DIP2C: variants seen among roughly 807,000 people sequenced by gnomAD.
The protein encoded by DIP2C is disco-interacting protein 2 homolog C.
DIP2C carries 33 observed loss-of-function variants against 192.4 expected under a neutral mutation model. The ratio of observed to expected loss-of-function variants is 0.17; its 90% CI spans 0.13 to 0.23. The LOEUF (loss-of-function observed/expected upper bound fraction) is 0.23. DIP2C is among the 10% of genes least tolerant of loss of function. The pLI is 1.00. For synonymous variants in DIP2C, 979 were observed against 864.1 expected (o/e 1.13, Z -2.33); for missense variants, 1,537 against 2,110.1 (o/e 0.73, Z 5.32).
At chr10:416,921 T>TA (rs904822872) in intron 6 of DIP2C, among the ~76,000 whole-genome samples, 5 of 152,146 alleles carry the variant, frequency 3.3e-5, no homozygotes, top group African/African-American at 1.2e-4. Flanking sequence ...CACTGGACCA[T>TA]AAAAAACAGA....
Position 341,282 on chromosome 10 carries a change from C to T in DIP2C, c.3501G>A (p.Gln1167=), listed in dbSNP as rs1399632987. ...CTTCTCTAGAGGGGTAAAGTTCACA[C>T]TGCAGCTTAATGGAACGGCAGAAGG... ...TSAFCRSIKL[Q]CELYPSREVA... The change falls in exon 29 of 37, where the codon CAG becomes CAA. Residue 1167 remains glutamine, a synonymous_variant. Transcript: ENST00000280886. 1 of 1,614,074 alleles carries T rather than the reference C, an allele frequency of 6.2e-7. No individual in the cohort carries two copies. Among genetic ancestry groups the T allele is most frequent in the East Asian group, 2.2e-5 (1 of 44,894 alleles).
intron 1 of DIP2C, among the ~76,000 whole-genome samples, chr10:578,187 T>C (rs10128312): frequency 0.055 from 8,347 of 152,310 alleles, 285 homozygotes; most frequent in Admixed American, 0.083. Context: ...TACCTGAAGA[T>C]GAACTTACAT....
chr10:277,133 G>T lies in DIP2C; in HGVS notation c.*192C>A. 1 of 741,830 alleles carries T rather than the reference G, an allele frequency of 1.3e-6. No individual in the cohort carries two copies. The highest frequency in any genetic ancestry group is 2.0e-6 in the Non-Finnish European group (1 of 489,300). 46.0% of individuals were successfully genotyped at this position (741,830 alleles called of 1,614,324 possible). ...AAAGTCCTTCTGAGCGAAATTCAGT[G>T]GTAAATTCACATTTCACCCCCATGC... On this transcript the variant is annotated 3_prime_UTR_variant, in exon 37 of 37. Transcript: ENST00000280886.
chr10:277,691 TCTC>T (rs1954585596), intron 36 of DIP2C, 114 bp from the exon 37 acceptor site: 1 of 1,415,462 alleles, frequency 7.1e-7, no homozygotes. Context: ...TGCCCGACAG[TCTC>T]CTCCGGCCTC....
At chr10:425,856 G>A (rs1966563861) in intron 4 of DIP2C, among the ~76,000 whole-genome samples, 1 of 152,200 alleles carries the variant, frequency 6.6e-6, no homozygotes, top group African/African-American at 2.4e-5. Flanking sequence ...GGAATAGAAG[G>A]CAATTTCCTC....
chr10:612,162 G>A (rs941332288), intron 1 of DIP2C, among the ~76,000 whole-genome samples: 5 of 151,916 alleles, frequency 3.3e-5, no homozygotes, highest in East Asian at 1.9e-4. Context: ...CCATGGTGAC[G>A]GGCACTTATA....
Position 562,729 on chromosome 10 carries a change from G to A in DIP2C, c.86-76199C>T, listed in dbSNP as rs907040128. Among the ~76,000 whole-genome samples the A allele has an allele frequency of 2.6e-4, 40 of 152,180 alleles. 1 individual carries two copies. Among genetic ancestry groups the A allele is most frequent in the Non-Finnish European group, 1.5e-5 (1 of 68,030 alleles). On this transcript the variant is annotated intron_variant, in intron 1 of 36. Coordinates refer to ENST00000280886, the MANE Select transcript of DIP2C (RefSeq NM_014974.3). ...TGAAAACAAGTGTTCTGTTCCCTCA[G>A]AGAGCTTTTCATATATTTAACCAAT...
intron 3 of DIP2C, among the ~76,000 whole-genome samples, chr10:464,464 A>G (rs1317509087): frequency 6.6e-6 from 1 of 152,224 alleles, no homozygotes; most frequent in African/African-American, 2.4e-5. Flanking sequence ...CACGCCAGTT[A>G]GAATGGTTAT....
At chr10:297,632 T>C (rs1189079856) in intron 32 of DIP2C, among the ~76,000 whole-genome samples, 2 of 152,224 alleles carry the variant, frequency 1.3e-5, no homozygotes, top group South Asian at 4.2e-4. Flanking sequence ...GATGATTTCA[T>C]AGAAATACAA....
chr10:518,818 T>C (rs1159463077), intron 1 of DIP2C, among the ~76,000 whole-genome samples: 1 of 152,220 alleles, frequency 6.6e-6, no homozygotes, highest in African/African-American at 2.4e-5. Flanking sequence ...TTAAAATCCC[T>C]GTCTCTCCTC....
chr10:561,633 C>T (rs1461628728), intron 1 of DIP2C, among the ~76,000 whole-genome samples: 1 of 152,158 alleles, frequency 6.6e-6, no homozygotes, highest in East Asian at 1.9e-4. Context: ...CCTTTCCCGC[C>T]AGTCACAGCT....
chr10:450,957 A>G (rs1449936244), intron 3 of DIP2C, among the ~76,000 whole-genome samples: 1 of 152,138 alleles, frequency 6.6e-6, no homozygotes, highest in African/African-American at 2.4e-5. Context: ...ATATGTCCAT[A>G]TGTGTGGGTA....
intron 9 of DIP2C, among the ~76,000 whole-genome samples, chr10:399,627 G>A (rs1449280985): frequency 3.3e-5 from 5 of 152,178 alleles, no homozygotes; most frequent in Non-Finnish European, 7.3e-5. Flanking sequence ...GTTTGGCTCT[G>A]GGATCTCAGG....
At chr10:480,847 G>T (rs376813772) in intron 2 of DIP2C, among the ~76,000 whole-genome samples, 2 of 152,226 alleles carry the variant, frequency 1.3e-5, no homozygotes, top group Admixed American at 1.3e-4. Flanking sequence ...TGGAACACAG[G>T]TGATTCACCT....
intron 1 of DIP2C, among the ~76,000 whole-genome samples, chr10:502,505 GAA>G (rs1408946385): frequency 2.6e-5 from 4 of 152,010 alleles, no homozygotes; most frequent in Admixed American, 1.3e-4. Context: ...CTCAAAGCCA[GAA>G]AAAGACATCA....
rs1252542021 is a variant in DIP2C, at chr10:532,570, TATGGGTGTGA to T, written c.86-46050_86-46041del. Among the ~76,000 whole-genome samples the T allele has an allele frequency of 5.8e-4, 80 of 138,928 alleles. 2 individuals carry two copies. The highest frequency in any genetic ancestry group is 2.1e-3 in the African/African-American group (75 of 35,788). 91.1% of individuals were successfully genotyped at this position (138,928 alleles called of 152,430 possible). On this transcript the variant is annotated intron_variant, in intron 1 of 36. Transcript: ENST00000280886. ...GAGAGAGTATGGGTGAGAGAGAGAG[TATGGGTGTGA>T]GAGAGAGTATGGGTGTGAGAGAGAG...
chr10:362,721 T>TAA (rs759826706), intron 21 of DIP2C, 30 bp from the exon 22 acceptor site: 1 of 1,579,086 alleles, frequency 6.3e-7, no homozygotes, highest in Admixed American at 1.8e-5. Context: ...GAAATCATGT[T>TAA]ATAAGAGGAA....
intron 24 of DIP2C, among the ~76,000 whole-genome samples, chr10:352,263 T>G (rs528236634): frequency 6.6e-6 from 1 of 152,178 alleles, no homozygotes; most frequent in South Asian, 2.1e-4. Context: ...CAGCCAAGAG[T>G]GTCTTTGAAA....
chr10:441,685 G>C (rs552445118), intron 3 of DIP2C, among the ~76,000 whole-genome samples: 1 of 152,220 alleles, frequency 6.6e-6, no homozygotes, highest in African/African-American at 2.4e-5. Context: ...TGATTCTGAG[G>C]CCTCCCCAGC....
Sources: gnomAD v4.1 joint callset for allele counts (sites outside exome capture counted in the v4.1 genomes callset) on GRCh38, gnomAD v4.1.1 for gene constraint, MANE v1.5 for transcripts, NCBI Gene and HGNC (gene_info 2026-07-23, HGNC 2026-07-21) for gene names.